The following GLB1L3 variants were observed in gnomAD, a reference collection of about 807,000 sequenced individuals.
GLB1L3 encodes the protein galactosidase beta 1 like 3.
GLB1L3 carries 89 observed loss-of-function variants against 89.5 expected under a neutral mutation model. That is an observed-to-expected ratio of 0.99 (90% CI 0.84 to 1.19). The LOEUF (loss-of-function observed/expected upper bound fraction) is 1.19, where lower values mean the gene tolerates loss of function less well. Ranked by LOEUF, GLB1L3 falls within the 50% of genes most tolerant of loss-of-function variation. GLB1L3 has a pLI of 0.00. For missense variants in GLB1L3, 812 were observed against 813.3 expected, an observed-to-expected ratio of 1.00 and a Z score of 0.02; for synonymous variants, 314 against 312.3, an observed-to-expected ratio of 1.01 and a Z score of -0.06.
At chr11:134,277,605 A>C in intron 2 of GLB1L3, 95 bp from the exon 3 acceptor site, 11 of 1,529,970 alleles carry the variant, frequency 7.2e-6, no homozygotes, top group Non-Finnish European at 9.9e-6. Flanking sequence ...CTACTAACAA[A>C]AACTTCTTTT....
At chr11:134,313,656 C>T (rs1298898711) in intron 16 of GLB1L3, among the ~76,000 whole-genome samples, 182 bp downstream of exon 16, 1 of 152,186 alleles carries the variant, frequency 6.6e-6, no homozygotes, top group South Asian at 2.1e-4. Context: ...TCTCCAGGGC[C>T]AGAGGGTGGG....
At chr11:134,321,470 G>A (rs966177883), downstream of GLB1L3, among the ~76,000 whole-genome samples, 5 of 152,110 alleles carry the variant, frequency 3.3e-5, no homozygotes, top group East Asian at 1.9e-4. Context: ...ACATGCACAC[G>A]TATGTTTATT....
At chr11:134,297,421 ATTCTT>A (rs1941706518) in intron 9 of GLB1L3, among the ~76,000 whole-genome samples, 1 of 152,142 alleles carries the variant, frequency 6.6e-6, no homozygotes, top group Admixed American at 6.5e-5. Context: ...CTTTTTGCAA[ATTCTT>A]TTCTTTTTTG....
chr11:134,305,886 G>T (rs1262976311), intron 9 of GLB1L3, among the ~76,000 whole-genome samples: 3 of 151,938 alleles, frequency 2.0e-5, no homozygotes, highest in African/African-American at 7.3e-5. Context: ...AAGTTGGAAG[G>T]TAAAGATGAT....
In GLB1L3 at chr11:134,295,091, G is replaced by A. The variant is rs537929048; in HGVS notation, c.876+1882G>A. On this transcript the variant is annotated intron_variant, in intron 9 of 19. Transcript: ENST00000431683. ...GGTCTTTGGTTTTCTTTTCTTAAAC[G>A]GTATTTGGTTTTAAAATTAGGATAA... Among the ~76,000 whole-genome samples the A allele has an allele frequency of 1.6e-3, 242 of 152,238 alleles. 1 individual carries two copies. Among genetic ancestry groups the A allele is most frequent in the Admixed American group, 2.6e-3 (39 of 15,282 alleles).
chr11:134,323,087 C>T (rs1943185617), downstream of GLB1L3, among the ~76,000 whole-genome samples: 1 of 152,164 alleles, frequency 6.6e-6, no homozygotes, highest in African/African-American at 2.4e-5. Context: ...TGATTTTAAG[C>T]TCTCTTTTTG....
chr11:134,289,011 G>C (rs1012906637), intron 7 of GLB1L3, 121 bp downstream of exon 7: 34 of 674,192 alleles, frequency 5.0e-5, no homozygotes, highest in Non-Finnish European at 7.5e-5. Flanking sequence ...GTTGGCCTGT[G>C]AACACGAGGT....
intron 10 of GLB1L3, among the ~76,000 whole-genome samples, chr11:134,309,364 A>G (rs1942603950): frequency 6.6e-6 from 1 of 152,204 alleles, no homozygotes; most frequent in Admixed American, 6.5e-5. Flanking sequence ...GTTCTTGGAA[A>G]CTAAACAAAA....
chr11:134,308,399 C>CAAAT (rs1942431147), intron 10 of GLB1L3, among the ~76,000 whole-genome samples: 1 of 62,530 alleles, frequency 1.6e-5, no homozygotes, highest in Non-Finnish European at 3.2e-5. Context: ...TCACCACCAT[C>CAAAT]ACCATCACCA....
intron 18 of GLB1L3, among the ~76,000 whole-genome samples, chr11:134,317,691 C>T (rs1030198747): frequency 6.6e-6 from 1 of 152,070 alleles, no homozygotes; most frequent in African/African-American, 2.4e-5. Flanking sequence ...TGTTAATCAT[C>T]TTCTTTTAAA....
intron 9 of GLB1L3, among the ~76,000 whole-genome samples, chr11:134,296,664 G>T (rs1941658961): frequency 7.2e-6 from 1 of 139,532 alleles, no homozygotes. Context: ...GACATAGGAA[G>T]GGGAACATCA....
chr11:134,301,748 T>C (rs1421090690), intron 9 of GLB1L3, among the ~76,000 whole-genome samples: 2 of 152,186 alleles, frequency 1.3e-5, no homozygotes, highest in Admixed American at 1.3e-4. Flanking sequence ...AGGAATGGAT[T>C]TCTCATTAGT....
At chr11:134,297,429 CT>C (rs1273482487) in intron 9 of GLB1L3, among the ~76,000 whole-genome samples, 3 of 151,958 alleles carry the variant, frequency 2.0e-5, no homozygotes, top group African/African-American at 7.2e-5. Flanking sequence ...AAATTCTTTT[CT>C]TTTTTGTACT....
intron 18 of GLB1L3, chr11:134,316,807 A>G (rs1943001868): frequency 6.6e-6 from 1 of 152,208 alleles, no homozygotes; most frequent in African/African-American, 2.4e-5. Flanking sequence ...CTTTTCCTTC[A>G]TACGGCTGTG....
At chr11:134,296,836 T>TATAATG (rs1941675172) in intron 9 of GLB1L3, among the ~76,000 whole-genome samples, 1 of 142,408 alleles carries the variant, frequency 7.0e-6, no homozygotes, top group African/African-American at 2.6e-5. Flanking sequence ...AAACTTAAAG[T>TATAATG]ATAATAATAA....
intron 18 of GLB1L3, among the ~76,000 whole-genome samples, 170 bp downstream of exon 18, chr11:134,314,611 G>A (rs1392436689): frequency 3.3e-5 from 5 of 152,112 alleles, no homozygotes; most frequent in African/African-American, 9.7e-5. Context: ...ATTTATCACT[G>A]TTCAGAGAAT....
At chr11:134,282,462 C>CT (rs1157020911) in intron 5 of GLB1L3, among the ~76,000 whole-genome samples, 1 of 152,188 alleles carries the variant, frequency 6.6e-6, no homozygotes, top group Non-Finnish European at 1.5e-5. Flanking sequence ...GTAGCCTCCT[C>CT]TGTCCTTCTC....
intron 9 of GLB1L3, among the ~76,000 whole-genome samples, chr11:134,298,620 G>A (rs1165646152): frequency 6.6e-6 from 1 of 152,132 alleles, no homozygotes; most frequent in Non-Finnish European, 1.5e-5. Flanking sequence ...TAAGTCTCAC[G>A]AGATCTGATG....
chr11:134,319,147 G>C lies in GLB1L3; in HGVS notation c.*205G>C, dbSNP rs1337499827. 1 of 512,936 alleles carries C rather than the reference G, an allele frequency of 1.9e-6. No individual in the cohort carries two copies. Among genetic ancestry groups the C allele is most frequent in the Non-Finnish European group, 3.5e-6 (1 of 286,358 alleles). 31.8% of individuals were successfully genotyped at this position (512,936 alleles called of 1,614,324 possible). A position where few individuals can be genotyped will look rare whatever the true frequency, so the allele number is the denominator to read the frequency against. On this transcript the variant is annotated 3_prime_UTR_variant, in exon 20 of 20. Coordinates refer to ENST00000431683, the MANE Select transcript of GLB1L3 (RefSeq NM_001080407.3). ...TTTTTTGTATTTTTAGTAGAGATGG[G>C]GTTTCACCAAGTTAGCCAGGATGGT... is the stretch of plus-strand genomic sequence containing the variant.
Sources: allele counts gnomAD v4.1 joint callset (sites outside exome capture counted in the v4.1 genomes callset), GRCh38; gene constraint gnomAD v4.1.1; transcripts MANE v1.5; gene names NCBI Gene and HGNC (gene_info 2026-07-23, HGNC 2026-07-21).